Variants in SNX29 observed in about 807,000 individuals in gnomAD.
The protein encoded by SNX29 is sorting nexin 29, also known as sorting nexin-29.
A neutral mutation model predicts 102.1 loss-of-function variants in SNX29; 78 were observed. The observed-to-expected ratio is 0.76, with a 90% confidence interval of 0.64 to 0.92. The LOEUF (loss-of-function observed/expected upper bound fraction) is 0.92. Among genes scored for constraint, SNX29 ranks in the 40% least tolerant of loss-of-function variants. The pLI is 0.00. For synonymous variants in SNX29, 580 were observed against 414.5 expected (o/e 1.40, Z -4.85); for missense variants, 1,280 against 1,061.7 (o/e 1.21, Z -2.86).
chr16:11,991,046 GAGA>G (rs1319978802), intron 1 of SNX29, among the ~76,000 whole-genome samples: 12 of 152,198 alleles, frequency 7.9e-5, no homozygotes, highest in African/African-American at 2.9e-4. Context: ...ACTCTTTCCA[GAGA>G]AAGTTTGCTG....
At chr16:12,102,747 G>T (rs927136286) in intron 11 of SNX29, among the ~76,000 whole-genome samples, 2 of 152,228 alleles carry the variant, frequency 1.3e-5, no homozygotes, top group Admixed American at 6.5e-5. Flanking sequence ...AGGGTATTCA[G>T]ATAGGAAGAG....
At chr16:12,478,726 C>T (rs527823286) in intron 19 of SNX29, among the ~76,000 whole-genome samples, 3 of 152,284 alleles carry the variant, frequency 2.0e-5, no homozygotes, top group South Asian at 4.1e-4. Flanking sequence ...CTGTCATGGC[C>T]GTGCTTTGGA....
chr16:12,050,066 G>C (rs140843081), intron 7 of SNX29, among the ~76,000 whole-genome samples: 76 of 152,332 alleles, frequency 5.0e-4, no homozygotes, highest in African/African-American at 1.8e-3. Flanking sequence ...GTCTTGCCCT[G>C]TGCTTCTCCA....
intron 13 of SNX29, among the ~76,000 whole-genome samples, chr16:12,163,283 G>A (rs2055870091): frequency 6.6e-6 from 1 of 152,206 alleles, no homozygotes; most frequent in Non-Finnish European, 1.5e-5. Flanking sequence ...CCTGAGGAGG[G>A]AACACTGGAG....
chr16:12,443,768 C>T (rs2085914813), intron 18 of SNX29, among the ~76,000 whole-genome samples: 2 of 152,264 alleles, frequency 1.3e-5, no homozygotes, highest in South Asian at 2.1e-4. Flanking sequence ...ACTTTTAAAG[C>T]CAGTCCAAAC....
intron 16 of SNX29, among the ~76,000 whole-genome samples, chr16:12,393,378 TATG>T (rs1597214123): frequency 7.5e-6 from 1 of 134,048 alleles, no homozygotes; most frequent in East Asian, 2.8e-4. Context: ...TAGCATATCT[TATG>T]ATTCATTCAT....
chr16:12,227,105 C>T (rs569710439), intron 14 of SNX29, among the ~76,000 whole-genome samples: 18 of 152,192 alleles, frequency 1.2e-4, no homozygotes, highest in African/African-American at 4.1e-4. Flanking sequence ...TTTGTACAAG[C>T]CAGCATTGCT....
At chr16:12,365,160 C>T (rs539698661) in intron 16 of SNX29, among the ~76,000 whole-genome samples, 63 of 152,226 alleles carry the variant, frequency 4.1e-4, no homozygotes, top group Admixed American at 1.2e-3. Flanking sequence ...TTATGTTTTC[C>T]AATTTCAAGC....
At position 12,075,750 on chromosome 16, in the gene SNX29, C is replaced by CTTTT. The variant is rs2051529610; in HGVS notation, c.1320-3082_1320-3081insTTTT. ...AGGTTACTGCTGTCTTTTTGTTTGTCTGTGCCCTGCCCCCAGAGGTGGAGC... is the reference window on the plus strand; with the variant it reads ...AGGTTACTGCTGTCTTTTTGTTTGTCTTTTTGTGCCCTGCCCCCAGAGGTGGAGC... On this transcript the variant is annotated intron_variant, in intron 10 of 20. Coordinates refer to ENST00000566228, the MANE Select transcript of SNX29 (RefSeq NM_032167.5). 2.6e-5 allele frequency among the ~76,000 whole-genome samples: 4 copies of CTTTT among 152,210 alleles called. No homozygotes were observed. The South Asian group carries it at 8.3e-4, about 31-fold the overall frequency.
intron 13 of SNX29, among the ~76,000 whole-genome samples, chr16:12,137,009 G>A (rs895643357): frequency 1.3e-5 from 2 of 152,178 alleles, no homozygotes; most frequent in African/African-American, 4.8e-5. Flanking sequence ...CAAAGTGCTG[G>A]TATTACAGGC....
intron 10 of SNX29, among the ~76,000 whole-genome samples, chr16:12,070,176 T>C (rs2151304227): frequency 6.6e-6 from 1 of 152,284 alleles, no homozygotes; most frequent in South Asian, 2.1e-4. Flanking sequence ...TCCCAAGTTG[T>C]TGGATGCTTT....
At chr16:12,282,533 T>C (rs956808499) in intron 15 of SNX29, among the ~76,000 whole-genome samples, 2 of 152,264 alleles carry the variant, frequency 1.3e-5, no homozygotes, top group African/African-American at 4.8e-5. Context: ...AACATAACAT[T>C]GAATAGAAGG....
At chr16:12,261,104 C>T (rs2078738529) in intron 14 of SNX29, among the ~76,000 whole-genome samples, 2 of 146,788 alleles carry the variant, frequency 1.4e-5, no homozygotes, top group Admixed American at 6.9e-5. Flanking sequence ...GAGGTGGGAT[C>T]TGTGCATGAG....
chr16:12,566,332 T>C (rs943135612), intron 20 of SNX29, among the ~76,000 whole-genome samples: 3 of 152,134 alleles, frequency 2.0e-5, no homozygotes, highest in Non-Finnish European at 4.4e-5. Flanking sequence ...TACCCCTTCA[T>C]AACAGTCACC....
chr16:12,159,272 T>G (rs1167685053), intron 13 of SNX29, among the ~76,000 whole-genome samples: 1 of 152,206 alleles, frequency 6.6e-6, no homozygotes, highest in Non-Finnish European at 1.5e-5. Flanking sequence ...GGGAGTTGGC[T>G]TCATTCCTCA....
intron 15 of SNX29, among the ~76,000 whole-genome samples, chr16:12,295,130 A>G (rs1226075945): frequency 6.6e-6 from 1 of 152,204 alleles, no homozygotes; most frequent in African/African-American, 2.4e-5. Flanking sequence ...GGTTCTTCCC[A>G]CAACACATGG....
chr16:12,553,527 G>T (rs1254226974), intron 20 of SNX29, among the ~76,000 whole-genome samples: 1 of 152,178 alleles, frequency 6.6e-6, no homozygotes, highest in Non-Finnish European at 1.5e-5. Flanking sequence ...TGCTGGAGGA[G>T]GGACCCCACA....
intron 19 of SNX29, among the ~76,000 whole-genome samples, chr16:12,516,049 G>T (rs2089849994): frequency 6.6e-6 from 1 of 152,146 alleles, no homozygotes; most frequent in Admixed American, 6.6e-5. Context: ...CCTAGACGTG[G>T]CCTGCCCCAA....
At chr16:12,370,137 G>C (rs1032067227) in intron 16 of SNX29, among the ~76,000 whole-genome samples, 1 of 152,070 alleles carries the variant, frequency 6.6e-6, no homozygotes, top group Non-Finnish European at 1.5e-5. Context: ...CAGAAGAATC[G>C]CTTAAATCCG....
Sources: gnomAD v4.1 joint callset for allele counts (sites outside exome capture counted in the v4.1 genomes callset) on GRCh38, gnomAD v4.1.1 for gene constraint, MANE v1.5 for transcripts, NCBI Gene and HGNC (gene_info 2026-07-23, HGNC 2026-07-21) for gene names.